The following LPA variants were observed in gnomAD, a reference collection of about 807,000 sequenced individuals.
LPA encodes lipoprotein(a).
A neutral mutation model predicts 197.9 loss-of-function variants in LPA; 199 were observed. The ratio of observed to expected loss-of-function variants is 1.01; its 90% CI spans 0.90 to 1.13. The LOEUF is 1.13. LPA is among the 50% of genes most tolerant of loss of function. The probability of loss-of-function intolerance (pLI) is 0.00; values close to 1 mark genes in which losing one functional copy is unlikely to be tolerated. For missense variants in LPA, 1,853 were observed against 1,785.8 expected, an observed-to-expected ratio of 1.04 and a Z score of -0.68; for synonymous variants, 715 against 639.5, an observed-to-expected ratio of 1.12 and a Z score of -1.78.
chr6:160,609,849 G>T (rs537362956), intron 16 of LPA, among the ~76,000 whole-genome samples: 1 of 151,620 alleles, frequency 6.6e-6, no homozygotes, highest in Non-Finnish European at 1.5e-5. Flanking sequence ...TGTGTGTGTG[G>T]CTCATTCTGT....
intron 14 of LPA, among the ~76,000 whole-genome samples, chr6:160,615,352 T>TTCTG (rs1779575402): frequency 5.7e-5 from 7 of 122,228 alleles, no homozygotes; most frequent in African/African-American, 2.2e-4. Context: ...TGTTTTCAGT[T>TTCTG]TGTGTGTGTG....
At position 160,547,799 on chromosome 6, in the gene LPA, A is replaced by G. The variant is rs1313657846; in HGVS notation, c.5294T>C (p.Leu1765Pro). Residue 1765 changes from leucine to proline, a missense_variant, in exon 32 of 39, where the codon CTG (leucine) becomes CCG (proline). By Grantham distance (98) the Leu-to-Pro change is moderately conservative. Transcript: ENST00000316300. ...FIPGTNKWAG[L>P]EKNYCRNPDG... ...ATCAAAGTGGCTTACATTTTTTTCC[A>G]GACCTGCCCATTTATTTGTCCCTGG... 1.9e-6 allele frequency: 3 copies of G among 1,613,924 alleles called. No individual in the cohort carries two copies. Among genetic ancestry groups the G allele is most frequent in the Non-Finnish European group, 2.5e-6 (3 of 1,179,996 alleles).
chr6:160,573,516 C>G (rs979445554), intron 28 of LPA, among the ~76,000 whole-genome samples: 3 of 152,006 alleles, frequency 2.0e-5, no homozygotes, highest in Non-Finnish European at 2.9e-5. Flanking sequence ...TGTCATATTA[C>G]CAGGGTTGGT....
chr6:160,553,425 G>A (rs991536558), intron 30 of LPA, among the ~76,000 whole-genome samples: 10 of 152,012 alleles, frequency 6.6e-5, no homozygotes, highest in African/African-American at 2.4e-4. Context: ...GGCAGAATAC[G>A]TATTTACATC....
chr6:160,657,692 C>T (rs778964914), intron 1 of LPA, among the ~76,000 whole-genome samples: 7 of 152,128 alleles, frequency 4.6e-5, no homozygotes, highest in Admixed American at 6.5e-5. Context: ...CCACTGCTCC[C>T]GGCCCTATCA....
At chr6:160,539,407 A>T (rs565608435) in intron 36 of LPA, among the ~76,000 whole-genome samples, 21 of 152,022 alleles carry the variant, frequency 1.4e-4, no homozygotes, top group Non-Finnish European at 1.0e-4. Context: ...GACAACAATA[A>T]TATTATTATT....
At chr6:160,576,332 GTGTGTGTGTATATA>G (rs1458326063) in intron 28 of LPA, among the ~76,000 whole-genome samples, 4,689 of 79,068 alleles carry the variant, frequency 0.059, 147 homozygotes, top group African/African-American at 0.12. Context: ...GTGTGTGTGT[GTGTGTGTGTATATA>G]TATATATATA....
chr6:160,654,029 TATATATTATATATAATATATA>T (rs1562354853), intron 1 of LPA, among the ~76,000 whole-genome samples: 701 of 10,296 alleles, frequency 0.068, 67 homozygotes, highest in African/African-American at 0.25. Context: ...TAATATATAA[TATATATTATATATAATATATA>T]ATATATTATA....
chr6:160,659,228 G>A (rs983998929), intron 1 of LPA, among the ~76,000 whole-genome samples: 1 of 152,174 alleles, frequency 6.6e-6, no homozygotes, highest in Non-Finnish European at 1.5e-5. Context: ...GCAGGGGCAG[G>A]GGCCTCAGGG....
intron 25 of LPA, among the ~76,000 whole-genome samples, chr6:160,585,916 G>T (rs1425326289): frequency 6.6e-6 from 1 of 152,082 alleles, no homozygotes; most frequent in Non-Finnish European, 1.5e-5. Context: ...GGTGTGGAAG[G>T]CATGCCCAAG....
chr6:160,578,377 G>T (rs1193414667), intron 27 of LPA, 146 bp downstream of exon 27: 2 of 976,496 alleles, frequency 2.0e-6, no homozygotes, highest in Non-Finnish European at 3.1e-6. Flanking sequence ...CACAGTTCTG[G>T]ATCCCCCAGA....
chr6:160,579,450 T>G (rs1465942050), intron 26 of LPA, among the ~76,000 whole-genome samples: 1 of 152,162 alleles, frequency 6.6e-6, no homozygotes, highest in Non-Finnish European at 1.5e-5. Flanking sequence ...GCAGCCACTC[T>G]GGGACTGAAG....
rs41264310 is a variant in LPA at position 160,556,784 on chromosome 6, C to T, written c.4814-600G>A. Among the ~76,000 whole-genome samples, 560 of 152,232 alleles carry T rather than the reference C, an allele frequency of 3.7e-3. 4 individuals are homozygous for T. Among genetic ancestry groups the T allele is most frequent in the African/African-American group, 0.012 (516 of 41,546 alleles). On this transcript the variant is annotated intron_variant, in intron 29 of 38. Coordinates refer to ENST00000316300, the MANE Select transcript of LPA (RefSeq NM_005577.4). ...TGCAACAAAGCAGAAGTCTACTACC[C>T]TTCCTCTCAACACACACCAAAGATG...
At chr6:160,559,451 TAATA>T (rs1244202338) in intron 28 of LPA, among the ~76,000 whole-genome samples, 2 of 152,248 alleles carry the variant, frequency 1.3e-5, no homozygotes, top group Non-Finnish European at 2.9e-5. Context: ...GTTTGAATTA[TAATA>T]AATAAAGCTC....
chr6:160,562,553 G>A (rs1017306295), intron 28 of LPA, among the ~76,000 whole-genome samples: 1 of 152,194 alleles, frequency 6.6e-6, no homozygotes, highest in African/African-American at 2.4e-5. Flanking sequence ...TCTCTGCCAG[G>A]TTTTGGTATC....
intron 30 of LPA, among the ~76,000 whole-genome samples, chr6:160,551,913 C>CTTT (rs569721968): frequency 7.7e-6 from 1 of 129,326 alleles, no homozygotes; most frequent in African/African-American, 2.8e-5. Flanking sequence ...AACACATATC[C>CTTT]TTTTTTTTTT....
At chr6:160,600,219 T>C (rs1249934186) in intron 19 of LPA, among the ~76,000 whole-genome samples, 2 of 152,194 alleles carry the variant, frequency 1.3e-5, no homozygotes, top group African/African-American at 4.8e-5. Context: ...CAAAAGCTTA[T>C]CACCTACAAT....
Position 160,578,545 on chromosome 6 carries a change from G to A in LPA, c.4449C>T (p.Ser1483=), listed in dbSNP as rs755904089. Residue 1483 remains serine, a synonymous_variant, in exon 27 of 39, where the codon AGC becomes AGT. Coordinates refer to ENST00000316300, the MANE Select transcript of LPA (RefSeq NM_005577.4). ...LTTPTVAPVP[S]TEAPSEQAPP... is the part of the protein sequence containing the mutation. Reference sequence around the variant, plus strand: ...TACCTTGTTCAGAAGGAGCCTCTGTGCTTGGAACCGGGGCCACTGTGGGAG... The same window carrying A: ...TACCTTGTTCAGAAGGAGCCTCTGTACTTGGAACCGGGGCCACTGTGGGAG... 6.2e-7 allele frequency: 1 copy of A among 1,613,878 alleles called. No individual in the cohort carries two copies. Among genetic ancestry groups the A allele is most frequent in the Admixed American group, 1.7e-5 (1 of 60,014 alleles).
chr6:160,595,591 T>C, intron 20 of LPA, 56 bp from the exon 21 acceptor site: 6 of 1,612,676 alleles, frequency 3.7e-6, no homozygotes, highest in Non-Finnish European at 5.1e-6. Flanking sequence ...TCAAGGGCAC[T>C]TAGCGCCCTC....
Sources: gnomAD v4.1 joint callset for allele counts (sites outside exome capture counted in the v4.1 genomes callset) on GRCh38, gnomAD v4.1.1 for gene constraint, MANE v1.5 for transcripts, NCBI Gene and HGNC (gene_info 2026-07-23, HGNC 2026-07-21) for gene names.